The following ZC3H12B variants were observed in gnomAD, a reference collection of about 807,000 sequenced individuals.
ZC3H12B encodes the protein zinc finger CCCH-type containing 12B.
In ZC3H12B, 7 loss-of-function variants were observed where a neutral mutation model predicts 43.9. That is an observed-to-expected ratio of 0.16 (90% CI 0.09 to 0.30). The LOEUF is 0.30. Among genes scored for constraint, ZC3H12B ranks in the 10% least tolerant of loss-of-function variants. ZC3H12B has a pLI of 1.00. For synonymous variants in ZC3H12B, 222 were observed against 241.7 expected (o/e 0.92, Z 0.76); for missense variants, 475 against 670.2 (o/e 0.71, Z 3.22).
At chrX:65,103,063 G>A in the ZC3H12B span, among the ~76,000 whole-genome samples, 1 of 111,391 alleles carries the variant, frequency 9.0e-6, no homozygotes, top group Non-Finnish European at 1.9e-5. Context: ...AGGAGACAGG[G>A]TTTGAGAGTA....
At chrX:65,334,942 C>T in the ZC3H12B span, among the ~76,000 whole-genome samples, 2 of 111,881 alleles carry the variant, frequency 1.8e-5, no homozygotes, top group East Asian at 5.6e-4. Context: ...CTCTCAGTGG[C>T]AGTGTGGGGA....
At chrX:65,251,277 G>T in the ZC3H12B span, among the ~76,000 whole-genome samples, 1 of 111,250 alleles carries the variant, frequency 9.0e-6, no homozygotes, top group Non-Finnish European at 1.9e-5. Flanking sequence ...TGAGGGCTCT[G>T]TTCTGTTCCA....
the ZC3H12B span, chrX:65,272,014 A>C: frequency 6.3e-5 from 7 of 110,682 alleles, no homozygotes; most frequent in Middle Eastern, 4.7e-3. Context: ...GGAGATCGAG[A>C]CCATCCTGGC....
chrX:65,465,722 C>CT (rs2067808834), intron 3 of ZC3H12B, among the ~76,000 whole-genome samples: 1 of 110,540 alleles, frequency 9.0e-6, no homozygotes, highest in Non-Finnish European at 1.9e-5. Flanking sequence ...TAGTGATTTT[C>CT]TAGTGTACCA....
chrX:65,152,969 A>G, the ZC3H12B span, among the ~76,000 whole-genome samples: 1 of 111,953 alleles, frequency 8.9e-6, no homozygotes, highest in Non-Finnish European at 1.9e-5. Flanking sequence ...CCTGAGAAAC[A>G]CAAGCAATGG....
At chrX:65,454,812 C>A (rs2067582705) in intron 3 of ZC3H12B, among the ~76,000 whole-genome samples, 2 of 111,853 alleles carry the variant, frequency 1.8e-5, no homozygotes, top group South Asian at 7.4e-4. Flanking sequence ...GCAACATTTG[C>A]TGTTCACCAA....
the ZC3H12B span, among the ~76,000 whole-genome samples, chrX:65,157,027 C>A: frequency 9.0e-6 from 1 of 111,171 alleles, no homozygotes; most frequent in Middle Eastern, 4.2e-3. Flanking sequence ...TTTGCCCAGG[C>A]TGGAGTGCAG....
At chrX:65,472,848 A>ATATATGTGTGTGTATATATATGTT (rs1569420525) in intron 3 of ZC3H12B, among the ~76,000 whole-genome samples, 1 of 78,262 alleles carries the variant, frequency 1.3e-5, no homozygotes, top group African/African-American at 7.9e-5. Flanking sequence ...ATATATATAT[A>ATATATGTGTGTGTATATATATGTT]TATATATATA....
chrX:65,181,923 A>T, the ZC3H12B span, among the ~76,000 whole-genome samples: 394 of 112,000 alleles, frequency 3.5e-3, 1 homozygote, highest in Non-Finnish European at 6.3e-3. Context: ...AAGGATTATA[A>T]ATCGTTCTAC....
the ZC3H12B span, among the ~76,000 whole-genome samples, chrX:65,135,604 G>T: frequency 9.1e-6 from 1 of 109,552 alleles, no homozygotes; most frequent in East Asian, 2.8e-4. Flanking sequence ...CTAAATTTGG[G>T]ATGTTTACAG....
At chrX:65,243,987 A>T in the ZC3H12B span, among the ~76,000 whole-genome samples, 1 of 111,587 alleles carries the variant, frequency 9.0e-6, no homozygotes, top group Non-Finnish European at 1.9e-5. Flanking sequence ...AGCAGGAAGG[A>T]GTTATAAAGA....
the ZC3H12B span, among the ~76,000 whole-genome samples, chrX:65,153,975 C>G: frequency 9.0e-6 from 1 of 110,695 alleles, no homozygotes; most frequent in Non-Finnish European, 1.9e-5. Flanking sequence ...TAAACTATTG[C>G]AAGGACAAAA....
At chrX:65,232,864 A>T in the ZC3H12B span, among the ~76,000 whole-genome samples, 7 of 111,960 alleles carry the variant, frequency 6.3e-5, no homozygotes, top group Non-Finnish European at 1.3e-4. Context: ...CTTCACCTGT[A>T]AAGATGTATA....
chrX:65,381,513 A>C (rs2066439518), intron 2 of ZC3H12B, among the ~76,000 whole-genome samples: 1 of 111,596 alleles, frequency 9.0e-6, no homozygotes, highest in African/African-American at 3.3e-5. Context: ...AAAGATCCAA[A>C]ATTGACACCC....
chrX:65,394,560 C>A (rs751857681), intron 2 of ZC3H12B, among the ~76,000 whole-genome samples: 2 of 111,711 alleles, frequency 1.8e-5, no homozygotes, highest in Admixed American at 1.9e-4. Flanking sequence ...CATTGGTCTA[C>A]ATATCTGATT....
the ZC3H12B span, among the ~76,000 whole-genome samples, chrX:65,062,011 GTTGTTTTTTTCTTGTAAAT>G: frequency 1.8e-5 from 2 of 111,861 alleles, no homozygotes. Flanking sequence ...TTTTGATGGG[GTTGTTTTTTTCTTGTAAAT>G]TTGTTTAAGT....
chrX:65,113,072 C>T, the ZC3H12B span, among the ~76,000 whole-genome samples: 1 of 111,270 alleles, frequency 9.0e-6, no homozygotes, highest in African/African-American at 3.3e-5. Flanking sequence ...TTGATTCCAA[C>T]CCTTATGGAT....
the ZC3H12B span, among the ~76,000 whole-genome samples, chrX:65,323,584 A>T: frequency 8.9e-6 from 1 of 112,259 alleles, no homozygotes; most frequent in African/African-American, 3.2e-5. Flanking sequence ...TTCATTATCC[A>T]GTCTACCATT....
the ZC3H12B span, among the ~76,000 whole-genome samples, chrX:65,170,160 C>T: frequency 5.4e-5 from 6 of 111,601 alleles, no homozygotes; most frequent in African/African-American, 1.6e-4. Flanking sequence ...ATGTTTTTGC[C>T]GTGGCTGGTA....
Sources: allele counts gnomAD v4.1 joint callset (sites outside exome capture counted in the v4.1 genomes callset), GRCh38; gene constraint gnomAD v4.1.1; transcripts MANE v1.5; gene names NCBI Gene and HGNC (gene_info 2026-07-23, HGNC 2026-07-21).